ZAP70: variants seen among roughly 807,000 people sequenced by gnomAD.
ZAP70 encodes the protein tyrosine-protein kinase ZAP-70.
In ZAP70, 27 loss-of-function variants were observed where a neutral mutation model predicts 65.8. That is an observed-to-expected ratio of 0.41 (90% CI 0.30 to 0.57). The LOEUF (loss-of-function observed/expected upper bound fraction) is 0.57. Among genes scored for constraint, ZAP70 ranks in the 20% least tolerant of loss-of-function variants. The pLI is 0.28. For missense variants in ZAP70, 696 were observed against 870.5 expected (o/e 0.80, Z 2.52); for synonymous variants, 363 against 360.8 (o/e 1.01, Z -0.07).
chr2:97,743,140 C>T (rs1262084658), downstream of ZAP70, among the ~76,000 whole-genome samples: 4 of 152,190 alleles, frequency 2.6e-5, no homozygotes, highest in Non-Finnish European at 5.9e-5. Flanking sequence ...TCATCCTCCT[C>T]GGAACCAAAC....
chr2:97,754,002 GACATCC>G, the ZAP70 span, among the ~76,000 whole-genome samples: 1 of 152,014 alleles, frequency 6.6e-6, no homozygotes, highest in East Asian at 1.9e-4. Flanking sequence ...AATAAATAAA[GACATCC>G]ACTATCATTT....
chr2:97,717,398 C>A (rs1466541548), intron 2 of ZAP70, among the ~76,000 whole-genome samples: 1 of 141,280 alleles, frequency 7.1e-6, no homozygotes, highest in Non-Finnish European at 1.5e-5. Context: ...GCTGGGGGGA[C>A]ATGCGGAGCC....
chr2:97,741,460 C>T (rs904258653), downstream of ZAP70, among the ~76,000 whole-genome samples: 15 of 151,706 alleles, frequency 9.9e-5, no homozygotes, highest in Non-Finnish European at 1.9e-4. Context: ...CCTAGGAAAG[C>T]TCCCCGTCCC....
intron 2 of ZAP70, among the ~76,000 whole-genome samples, chr2:97,717,411 T>TGGCTGGGGGGACATGCG (rs1559315847): frequency 7.4e-6 from 1 of 135,350 alleles, no homozygotes; most frequent in East Asian, 2.2e-4. Flanking sequence ...GCGGAGCCTC[T>TGGCTGGGGGGACATGCG]GAGCCTCTGG....
At chr2:97,741,559 C>T (rs1006022423), downstream of ZAP70, among the ~76,000 whole-genome samples, 7 of 152,286 alleles carry the variant, frequency 4.6e-5, no homozygotes, top group African/African-American at 1.7e-4. Flanking sequence ...GGGTGATGTC[C>T]GCTAGGAAAG....
rs199775081 is a variant in ZAP70, at chr2:97,737,504, C to A, written c.1321C>A (p.Leu441Met). The change falls in exon 11 of 14, where the codon CTG becomes ATG. Residue 441 changes from leucine (L) to methionine (M), a missense_variant. Leu to Met is a conservative substitution (Grantham distance 15, BLOSUM62 2). Transcript: ENST00000264972. The surrounding 1 kb of genome is among the most constrained non-coding windows in gnomAD (Gnocchi z 5.0). Reference protein sequence around the residue: ...EEIPVSNVAELLHQVSMGMKY... With the variant: ...EEIPVSNVAEMLHQVSMGMKY... ...GATCCCTGTGAGCAATGTGGCCGAGCTGCTGCACCAGGTGTCCATGGGGAT... is the reference window on the plus strand; with the variant it reads ...GATCCCTGTGAGCAATGTGGCCGAGATGCTGCACCAGGTGTCCATGGGGAT... 1.9e-6 allele frequency: 3 copies of A among 1,614,142 alleles called. No individual in the cohort carries two copies. Among genetic ancestry groups the A allele is most frequent in the Non-Finnish European group, 2.5e-6 (3 of 1,179,980 alleles).
intron 3 of ZAP70, 98 bp downstream of exon 3, chr2:97,724,536 C>T: frequency 6.5e-7 from 1 of 1,528,414 alleles, no homozygotes; most frequent in Non-Finnish European, 8.8e-7. Context: ...AGGTCGTCTT[C>T]CCCATTCAGT....
chr2:97,716,755 C>T (rs747000700), intron 2 of ZAP70, among the ~76,000 whole-genome samples: 2 of 151,892 alleles, frequency 1.3e-5, no homozygotes, highest in Non-Finnish European at 2.9e-5. Flanking sequence ...GCCTTGGGGG[C>T]CACCCTGAGG....
chr2:97,749,210 C>T, the ZAP70 span, among the ~76,000 whole-genome samples: 1 of 152,118 alleles, frequency 6.6e-6, no homozygotes. Context: ...GGGGTTTCAC[C>T]GTGTTAGCCA....
rs142702703 is a variant in ZAP70, at chr2:97,734,655, T to C, written c.1025T>C (p.Ile342Thr). The stretch of plus-strand genomic sequence containing the variant: ...CGCGATAACCTCCTCATAGCTGACA[T>C]TGAACTTGGCTGCGGCAACTTTGGC... Reference protein sequence around the residue: ...LKRDNLLIADIELGCGNFGSV... With the variant: ...LKRDNLLIADTELGCGNFGSV... The change falls in exon 9 of 14, where the codon ATT (isoleucine) becomes ACT (threonine). Residue 342 changes from isoleucine (I) to threonine (T), a missense_variant. By Grantham distance (89) the Ile-to-Thr change is moderately conservative. This residue lies in a region of ZAP70 where 551 missense variants were observed against 630.0 expected (regional missense o/e 0.87). Transcript: ENST00000264972. The C allele has an allele frequency of 5.0e-4, 813 of 1,614,194 alleles. No homozygotes were observed. The highest frequency in any genetic ancestry group is 5.9e-4 in the Non-Finnish European group (691 of 1,180,028).
chr2:97,732,803 G>T, intron 4 of ZAP70, 80 bp from the exon 5 acceptor site: 2 of 1,591,332 alleles, frequency 1.3e-6, no homozygotes, highest in Non-Finnish European at 1.7e-6. Flanking sequence ...AGCCCATAGG[G>T]TGTGTTGCGG....
chr2:97,728,822 C>T (rs1001683065), intron 4 of ZAP70, among the ~76,000 whole-genome samples: 5 of 152,202 alleles, frequency 3.3e-5, no homozygotes, highest in Non-Finnish European at 5.9e-5. Context: ...GTGCAATCTT[C>T]GCTCACTGCA....
intron 3 of ZAP70, chr2:97,724,873 C>G: frequency 6.5e-7 from 1 of 1,529,042 alleles, no homozygotes. Context: ...GCTGGAGATG[C>G]GCTTGGGGCC....
intron 1 of ZAP70, 85 bp downstream of exon 1, chr2:97,713,759 A>AC (rs371007268): frequency 3.2e-4 from 49 of 151,056 alleles, no homozygotes; most frequent in African/African-American, 4.1e-4. Flanking sequence ...CAGAGGATGA[A>AC]CCCCCCCCAT....
chr2:97,732,714 T>G (rs1483342263), intron 4 of ZAP70, 169 bp from the exon 5 acceptor site: 3 of 933,094 alleles, frequency 3.2e-6, no homozygotes, highest in Non-Finnish European at 4.8e-6. Context: ...TGGCCCATCA[T>G]CAGCAGATCT....
chr2:97,727,636 G>C (rs1296407204), intron 4 of ZAP70, among the ~76,000 whole-genome samples: 4 of 152,182 alleles, frequency 2.6e-5, no homozygotes, highest in African/African-American at 9.7e-5. Flanking sequence ...CCTTCCTATT[G>C]ATGTAGCTGA....
At chr2:97,754,666 G>T in the ZAP70 span, among the ~76,000 whole-genome samples, 1 of 152,156 alleles carries the variant, frequency 6.6e-6, no homozygotes, top group Admixed American at 6.5e-5. Context: ...GCCTCCCAAG[G>T]TGCTGGGACT....
rs1337608513 is a variant in ZAP70, at chr2:97,734,669, G to A, written c.1039G>A (p.Gly347Ser). 1.2e-6 allele frequency: 2 copies of A among 1,614,184 alleles called. No homozygotes were observed. The highest frequency in any genetic ancestry group is 1.7e-5 in the Admixed American group (1 of 60,034). The change falls in exon 9 of 14, where the codon GGC becomes AGC. Residue 347 changes from glycine to serine, a missense_variant. Gly to Ser is a moderately conservative substitution (Grantham distance 56, BLOSUM62 0). Transcript: ENST00000264972. ...CATAGCTGACATTGAACTTGGCTGC[G>A]GCAACTTTGGCTCAGTGCGCCAGGG... is the stretch of plus-strand genomic sequence containing the variant. ...LLIADIELGC[G>S]NFGSVRQGVY...
In ZAP70 at chr2:97,715,934, C is replaced by T. The variant is rs373772386; in HGVS notation, c.-22+1940C>T. 5.3e-5 allele frequency among the ~76,000 whole-genome samples: 8 copies of T among 152,148 alleles called. No individual in the cohort carries two copies. In the East Asian group the frequency reaches 9.6e-4, roughly 18 times the overall value. On this transcript the variant is annotated intron_variant, in intron 2 of 13. Coordinates refer to ENST00000264972, the MANE Select transcript of ZAP70 (RefSeq NM_001079.4). The surrounding 1 kb of genome is among the most constrained non-coding windows in gnomAD (Gnocchi z 4.1). ...GCTTCCATAGAAAACAAGACAGAGC[C>T]GTGGGCCCTGCCTCGGGGAGCTCAG...
Sources: gnomAD v4.1 joint callset for allele counts (sites outside exome capture counted in the v4.1 genomes callset) on GRCh38, gnomAD v4.1.1 for gene constraint, gnomAD v4.1.1 regional missense constraint, Gnocchi (gnomAD v3.1) non-coding constraint, MANE v1.5 for transcripts, NCBI Gene and HGNC (gene_info 2026-07-23, HGNC 2026-07-21) for gene names.